The following VWA3A variants were observed in gnomAD, a reference collection of about 807,000 sequenced individuals.
VWA3A encodes the protein von Willebrand factor A domain-containing protein 3A.
Under a neutral mutation model 160.4 loss-of-function variants are expected in VWA3A, and 134 were observed. The observed-to-expected ratio is 0.84, with a 90% CI of 0.73 to 0.96. The LOEUF is 0.96. Among genes scored for constraint, VWA3A ranks in the 40% least tolerant of loss-of-function variants. VWA3A has a pLI of 0.00. For synonymous variants in VWA3A, 476 were observed against 543.4 expected (o/e 0.88, Z 1.72); for missense variants, 1,310 against 1,447.9 (o/e 0.90, Z 1.55).
At chr16:22,127,006 TTATA>T (rs2045861723) in intron 17 of VWA3A, among the ~76,000 whole-genome samples, 2 of 149,210 alleles carry the variant, frequency 1.3e-5, no homozygotes, top group African/African-American at 4.9e-5. Flanking sequence ...AGTTTTAAAA[TTATA>T]TATAGTATAT....
chr16:22,152,726 T>C, intron 31 of VWA3A, 92 bp downstream of exon 31: 1 of 1,512,844 alleles, frequency 6.6e-7, no homozygotes, highest in East Asian at 2.5e-5. Flanking sequence ...ACTCCTGGGC[T>C]CAAGTGAACC....
At chr16:22,122,741 T>C (rs1266126412) in intron 14 of VWA3A, among the ~76,000 whole-genome samples, 1 of 152,184 alleles carries the variant, frequency 6.6e-6, no homozygotes, top group Non-Finnish European at 1.5e-5. Context: ...TCTCCAACTG[T>C]GCTCTCTATT....
At chr16:22,144,146 A>T in intron 25 of VWA3A, 101 bp from the exon 26 acceptor site, 1 of 1,376,690 alleles carries the variant, frequency 7.3e-7, no homozygotes, top group East Asian at 2.5e-5. Flanking sequence ...CATTTCAAAC[A>T]TCATACAGGT....
rs996077799 is a variant in VWA3A, at chr16:22,097,613, A to C, written c.143A>C (p.Lys48Thr). ...NTGRDSKKPL[K>T]QKNMNGLGQN... ...GGCAGAGATTCAAAGAAGCCACTAA[A>C]GCAGAAGAATATGAATGGACTTGGG... The change falls in exon 3 of 34, where the codon AAG becomes ACG. Residue 48 changes from lysine (K) to threonine (T), a missense_variant. By Grantham distance (78) the Lys-to-Thr change is moderately conservative. Coordinates refer to ENST00000389398, the MANE Select transcript of VWA3A (RefSeq NM_173615.5). 3 of 1,551,794 alleles carry C rather than the reference A, an allele frequency of 1.9e-6. No homozygotes were observed. Among genetic ancestry groups the C allele is most frequent in the Non-Finnish European group, 2.6e-6 (3 of 1,147,022 alleles).
intron 9 of VWA3A, among the ~76,000 whole-genome samples, chr16:22,116,101 A>G (rs889944558): frequency 3.3e-5 from 5 of 151,448 alleles, no homozygotes; most frequent in Admixed American, 3.3e-4. Context: ...AGAGAGAAAG[A>G]AAGAAAGAAA....
In VWA3A at chr16:22,138,362, T is replaced by C; in HGVS notation, c.2142T>C (p.Cys714=). Reference sequence around the variant, plus strand: ...TGACCCTCCCAATCCCACTGCAGTGTGCCTTCCTCATGGCCTCCCTGAAGA... The same window carrying C: ...TGACCCTCCCAATCCCACTGCAGTGCGCCTTCCTCATGGCCTCCCTGAAGA... ...MEKALNYSQK[C]AFLMASLKNH... Residue 714 remains cysteine (C), a splice_region_variant and synonymous_variant, in exon 22 of 34, where the codon TGT becomes TGC. Transcript: ENST00000389398. 1 of 1,586,672 alleles carries C rather than the reference T, an allele frequency of 6.3e-7. No homozygotes were observed. Among genetic ancestry groups the C allele is most frequent in the South Asian group, 1.1e-5 (1 of 86,990 alleles).
chr16:22,114,436 G>C (rs2045602191), intron 8 of VWA3A, among the ~76,000 whole-genome samples: 1 of 152,176 alleles, frequency 6.6e-6, no homozygotes, highest in Non-Finnish European at 1.5e-5. Flanking sequence ...GCTCCCAAGA[G>C]AGTGGGTATG....
At chr16:22,101,622 G>T (rs1185354763) in intron 5 of VWA3A, among the ~76,000 whole-genome samples, 2 of 152,062 alleles carry the variant, frequency 1.3e-5, no homozygotes, top group Admixed American at 1.3e-4. Context: ...AAGAGAAAGG[G>T]GTTTCCCCTT....
At chr16:22,150,946 G>C in intron 30 of VWA3A, 100 bp downstream of exon 30, 1 of 1,389,574 alleles carries the variant, frequency 7.2e-7, no homozygotes. Context: ...TGCTCACTTA[G>C]ACACGGGTTT....
chr16:22,123,764 T>C lies in VWA3A; in HGVS notation c.1532+57T>C, dbSNP rs535904963. The C allele has an allele frequency of 4.0e-5, 59 of 1,479,292 alleles. No individual in the cohort carries two copies. In the African/African-American group the frequency reaches 7.1e-4, roughly 18 times the overall value. 91.6% of individuals were successfully genotyped at this position (1,479,292 alleles called of 1,614,324 possible). ...ATGGGTCTGGTGTGTGACGTGACAT[T>C]TATCCGCCTCATGAATTCCCTGTTG... On this transcript the variant is annotated intron_variant, in intron 16 of 33. Coordinates refer to ENST00000389398, the MANE Select transcript of VWA3A (RefSeq NM_173615.5).
chr16:22,118,502 G>A (rs1338871629), intron 11 of VWA3A, among the ~76,000 whole-genome samples: 2 of 152,036 alleles, frequency 1.3e-5, no homozygotes, highest in East Asian at 1.9e-4. Flanking sequence ...TGGCTAACAC[G>A]GTGAAACCCC....
chr16:22,123,946 G>A (rs929743801), intron 16 of VWA3A, among the ~76,000 whole-genome samples: 9 of 152,140 alleles, frequency 5.9e-5, no homozygotes, highest in Middle Eastern at 3.4e-3. Context: ...AGGCCAAAGC[G>A]GGAGGATCGC....
intron 30 of VWA3A, 62 bp from the exon 31 acceptor site, chr16:22,152,449 G>A: frequency 3.8e-6 from 6 of 1,595,032 alleles, no homozygotes; most frequent in South Asian, 1.1e-5. Context: ...TGGACGTGGG[G>A]AGTCACACGA....
chr16:22,122,696 C>G (rs2045765232), intron 14 of VWA3A, among the ~76,000 whole-genome samples: 1 of 152,114 alleles, frequency 6.6e-6, no homozygotes, highest in African/African-American at 2.4e-5. Context: ...TCTAGGTTCC[C>G]AAACCTAAGA....
At chr16:22,154,025 C>T (rs1214484980) in intron 31 of VWA3A, among the ~76,000 whole-genome samples, 1 of 152,106 alleles carries the variant, frequency 6.6e-6, no homozygotes, top group African/African-American at 2.4e-5. Flanking sequence ...AGGTGTGAAC[C>T]GTCAGGCTCG....
At chr16:22,124,121 C>T (rs1255796429) in intron 16 of VWA3A, among the ~76,000 whole-genome samples, 2 of 139,968 alleles carry the variant, frequency 1.4e-5, no homozygotes, top group African/African-American at 5.5e-5. Context: ...CTCAAGGCTG[C>T]AGTGGGCTAT....
intron 29 of VWA3A, 141 bp downstream of exon 29, chr16:22,150,072 G>A (rs551180630): frequency 1.0e-5 from 13 of 1,254,466 alleles, no homozygotes; most frequent in South Asian, 4.9e-5. Flanking sequence ...CCCAACACCC[G>A]AGTGAGAAAA....
chr16:22,097,072 T>A, intron 2 of VWA3A, 127 bp downstream of exon 2: 1 of 612,140 alleles, frequency 1.6e-6, no homozygotes, highest in South Asian at 2.0e-5. Flanking sequence ...TTCATGCCAT[T>A]CCCCTGCCTC....
Position 22,133,092 on chromosome 16 carries a change from A to G in VWA3A, c.2065A>G (p.Thr689Ala), listed in dbSNP as rs769435913. The part of the protein sequence containing the change: ...AGGRFHWFGD[T>A]GIYESDDINS... ...TGGCCGCTTCCACTGGTTTGGAGAC[A>G]CAGGTACATGACTGTTTCCTCATCC... Residue 689 changes from threonine to alanine, a missense_variant, in exon 20 of 34, where the codon ACA becomes GCA. Thr to Ala is a moderately conservative substitution (Grantham distance 58). Coordinates refer to ENST00000389398, the MANE Select transcript of VWA3A (RefSeq NM_173615.5). 2.5e-6 allele frequency: 4 copies of G among 1,611,744 alleles called. No homozygotes were observed. The South Asian group carries it at 3.3e-5, about 13-fold the overall frequency.
Sources: allele counts gnomAD v4.1 joint callset (sites outside exome capture counted in the v4.1 genomes callset), GRCh38; gene constraint gnomAD v4.1.1; transcripts MANE v1.5; gene names NCBI Gene and HGNC (gene_info 2026-07-23, HGNC 2026-07-21).